DLG1: variants seen among roughly 807,000 people sequenced by gnomAD.
DLG1 encodes discs large MAGUK scaffold protein 1, also known as disks large homolog 1.
Under a neutral mutation model 123.4 loss-of-function variants are expected in DLG1, and 42 were observed. That is an observed-to-expected ratio of 0.34 (90% CI 0.27 to 0.44). DLG1 has a LOEUF of 0.44. Among genes scored for constraint, DLG1 ranks in the 20% least tolerant of loss-of-function variants. DLG1 has a pLI of 1.00. For synonymous variants in DLG1, 317 were observed against 356.2 expected, an observed-to-expected ratio of 0.89 and a Z score of 1.24; for missense variants, 942 against 1,082.6, an observed-to-expected ratio of 0.87 and a Z score of 1.82.
In DLG1 at chr3:197,130,606, A is replaced by T. The variant is rs1425418225; in HGVS notation, c.1086T>A (p.Ser362=). The part of the protein sequence containing the change: ...EEAVTALKNT[S]DFVYLKVAKP... Reference sequence around the variant, plus strand: ...TTGCCACTTTCAAATAAACAAAATCAGATGTGTTCTTTAAGGCAGTTACTG... The same window carrying T: ...TTGCCACTTTCAAATAAACAAAATCTGATGTGTTCTTTAAGGCAGTTACTG... The change falls in exon 11 of 25, where the codon TCT becomes TCA. Residue 362 remains serine, a synonymous_variant. Coordinates refer to ENST00000667157, the MANE Select transcript of DLG1 (RefSeq NM_001366207.1). The T allele has an allele frequency of 6.2e-7, 1 of 1,611,868 alleles. No homozygotes were observed. The highest frequency in any genetic ancestry group is 1.3e-5 in the African/African-American group (1 of 74,860).
chr3:197,222,924 C>T (rs1178016804), intron 4 of DLG1, among the ~76,000 whole-genome samples: 6 of 152,136 alleles, frequency 3.9e-5, no homozygotes, highest in African/African-American at 1.4e-4. Context: ...AAAAAACAAA[C>T]AACTTTAACT....
chr3:197,293,978 T>C (rs1344266702), intron 3 of DLG1: 1 of 153,004 alleles, frequency 6.5e-6, no homozygotes, highest in East Asian at 2.0e-4. Flanking sequence ...ATGGACACAA[T>C]GAACTGGTTT....
At chr3:197,075,469 G>A (rs921985664) in intron 18 of DLG1, among the ~76,000 whole-genome samples, 5 of 151,432 alleles carry the variant, frequency 3.3e-5, no homozygotes, top group Admixed American at 1.3e-4. Context: ...CAAAAAAAAG[G>A]GGAACATAAA....
chr3:197,166,793 A>G (rs1178221360), intron 5 of DLG1, among the ~76,000 whole-genome samples: 1 of 152,036 alleles, frequency 6.6e-6, no homozygotes, highest in Non-Finnish European at 1.5e-5. Context: ...TGGGAGGCTG[A>G]GCCAAGAGAA....
intron 5 of DLG1, among the ~76,000 whole-genome samples, chr3:197,170,928 T>G (rs1401252675): frequency 6.6e-6 from 1 of 152,202 alleles, no homozygotes; most frequent in Non-Finnish European, 1.5e-5. Flanking sequence ...TCCATATTTT[T>G]AGAGAAAATG....
At chr3:197,216,157 T>C (rs1000264457) in intron 4 of DLG1, among the ~76,000 whole-genome samples, 3 of 152,176 alleles carry the variant, frequency 2.0e-5, no homozygotes, top group African/African-American at 7.2e-5. Context: ...AAAGAGAAAA[T>C]TTACTTTTTT....
At chr3:197,290,789 T>G (rs1199017395) in intron 3 of DLG1, among the ~76,000 whole-genome samples, 1 of 150,562 alleles carries the variant, frequency 6.6e-6, no homozygotes, top group East Asian at 1.9e-4. Context: ...TCCCAGCTAC[T>G]CAGGAGCCTG....
intron 5 of DLG1, among the ~76,000 whole-genome samples, chr3:197,172,126 A>G (rs916853390): frequency 6.6e-6 from 1 of 152,070 alleles, no homozygotes; most frequent in Non-Finnish European, 1.5e-5. Flanking sequence ...ATGATGGTCC[A>G]CATGTATAAA....
chr3:197,195,689 G>A (rs1278583194), intron 4 of DLG1, among the ~76,000 whole-genome samples: 4 of 152,036 alleles, frequency 2.6e-5, no homozygotes, highest in Non-Finnish European at 2.9e-5. Flanking sequence ...GAACACACAT[G>A]AGCACACAGA....
intron 4 of DLG1, among the ~76,000 whole-genome samples, chr3:197,273,269 A>G (rs1379072562): frequency 4.7e-5 from 7 of 149,264 alleles, no homozygotes; most frequent in African/African-American, 1.7e-4. Flanking sequence ...TTTTTTTGAG[A>G]CAGTGTCTTG....
At chr3:197,297,549 A>G (rs1778081329) in intron 1 of DLG1, 1 of 1,103,788 alleles carries the variant, frequency 9.1e-7, no homozygotes, top group Non-Finnish European at 1.1e-6. Flanking sequence ...CCCACCTGCT[A>G]CTGGGTACGG....
chr3:197,060,005 T>TAAAGGGAACAAAGAAAAAA lies in DLG1; in HGVS notation c.2374-26_2374-8dup. 6.3e-7 allele frequency: 1 copy of TAAAGGGAACAAAGAAAAAA among 1,598,566 alleles called. No homozygotes were observed. Among genetic ancestry groups the TAAAGGGAACAAAGAAAAAA allele is most frequent in the Middle Eastern group, 1.7e-4 (1 of 5,892 alleles). On this transcript the variant is annotated splice_polypyrimidine_tract_variant and splice_region_variant and intron_variant, in intron 22 of 24. Transcript: ENST00000667157. ...CAAGGATACAGTGTTTGCCCTAAAA[T>TAAAGGGAACAAAGAAAAAA]AAAGGGAACAAAGAAAAAAAACAAG... is the stretch of plus-strand genomic sequence containing the variant.
At chr3:197,289,114 A>C (rs969859353) in intron 3 of DLG1, among the ~76,000 whole-genome samples, 3 of 152,206 alleles carry the variant, frequency 2.0e-5, no homozygotes, top group African/African-American at 7.2e-5. Flanking sequence ...TCTAGGGCTC[A>C]AGTGAAGAAA....
intron 4 of DLG1, among the ~76,000 whole-genome samples, chr3:197,203,616 A>AT (rs1727003668): frequency 6.6e-6 from 1 of 152,226 alleles, no homozygotes; most frequent in African/African-American, 2.4e-5. Flanking sequence ...AGGAAAGTAC[A>AT]TTTTAAGATC....
In DLG1 at chr3:197,149,779, T is replaced by C; in HGVS notation, c.501A>G (p.Val167=). The C allele has an allele frequency of 6.3e-7, 1 of 1,596,998 alleles. No individual in the cohort carries two copies. The highest frequency in any genetic ancestry group is 2.3e-5 in the East Asian group (1 of 44,434). Residue 167 remains valine (V), a synonymous_variant, in exon 6 of 25, where the codon GTA becomes GTG. Transcript: ENST00000667157. ...TTTCCAAGCTATCTGTGTTGACCAG[T>C]ACTGGGGGAGGATTTGCCTTTAAGA... ...ISPIKANPPP[V]LVNTDSLETP...
At chr3:197,199,617 C>T (rs1229653032) in intron 4 of DLG1, among the ~76,000 whole-genome samples, 1 of 152,048 alleles carries the variant, frequency 6.6e-6, no homozygotes, top group African/African-American at 2.4e-5. Flanking sequence ...AAAGAGAAAC[C>T]TTGGGTTCAT....
intron 18 of DLG1, among the ~76,000 whole-genome samples, chr3:197,074,818 T>C (rs1275520201): frequency 2.0e-5 from 3 of 152,236 alleles, no homozygotes; most frequent in South Asian, 4.1e-4. Flanking sequence ...GCAGTTTAGA[T>C]TAAAATTTCA....
chr3:197,213,442 T>C (rs948690515), intron 4 of DLG1, among the ~76,000 whole-genome samples: 1 of 152,160 alleles, frequency 6.6e-6, no homozygotes, highest in African/African-American at 2.4e-5. Flanking sequence ...CACAATCTTT[T>C]TGGAGTGAGG....
intron 4 of DLG1, among the ~76,000 whole-genome samples, chr3:197,205,842 C>T (rs990086104): frequency 4.6e-5 from 7 of 152,280 alleles, no homozygotes; most frequent in Non-Finnish European, 1.0e-4. Flanking sequence ...TTTCCAGTTT[C>T]TGGGGACTGT....
Sources: allele counts gnomAD v4.1 joint callset (sites outside exome capture counted in the v4.1 genomes callset), GRCh38; gene constraint gnomAD v4.1.1; transcripts MANE v1.5; gene names NCBI Gene and HGNC (gene_info 2026-07-23, HGNC 2026-07-21).